PINX1: variants seen among roughly 807,000 people sequenced by gnomAD.
The protein encoded by PINX1 is PIN2/TERF1-interacting telomerase inhibitor 1.
A neutral mutation model predicts 25.4 loss-of-function variants in PINX1; 34 were observed. That is an observed-to-expected ratio of 1.34 (90% CI 1.02 to 1.78). The LOEUF (loss-of-function observed/expected upper bound fraction) is 1.78, where lower values mean the gene tolerates loss of function less well. Ranked by LOEUF, PINX1 falls within the 40% of genes most tolerant of loss-of-function variation. PINX1 has a pLI of 0.00. For missense variants in PINX1, 592 were observed against 404.9 expected (o/e 1.46, Z -3.97); for synonymous variants, 197 against 147.7 (o/e 1.33, Z -2.42).
At chr8:10,791,691 A>G (rs1208558634) in intron 6 of PINX1, among the ~76,000 whole-genome samples, 2 of 152,048 alleles carry the variant, frequency 1.3e-5, no homozygotes, top group African/African-American at 2.4e-5. Flanking sequence ...GCGGCTGCTG[A>G]TGTGCTTGGG....
intron 6 of PINX1, among the ~76,000 whole-genome samples, chr8:10,771,909 G>C (rs1801235874): frequency 6.6e-6 from 1 of 152,200 alleles, no homozygotes; most frequent in South Asian, 2.1e-4. Flanking sequence ...CTGTCAGCCA[G>C]TTCCTTCCTG....
intron 6 of PINX1, among the ~76,000 whole-genome samples, chr8:10,803,915 A>C (rs992296300): frequency 3.3e-4 from 50 of 152,384 alleles, no homozygotes; most frequent in Non-Finnish European, 5.1e-4. Context: ...TCAATTAAGA[A>C]GCAAGGAAAT....
At chr8:10,803,600 A>G (rs373434051) in intron 6 of PINX1, among the ~76,000 whole-genome samples, 2 of 152,252 alleles carry the variant, frequency 1.3e-5, no homozygotes, top group African/African-American at 4.8e-5. Context: ...TTGCATCTCT[A>G]TAACTTATAT....
intron 1 of PINX1, 160 bp downstream of exon 1, chr8:10,839,578 G>A (rs1798507386): frequency 5.8e-6 from 4 of 695,342 alleles, no homozygotes; most frequent in African/African-American, 3.6e-5. Context: ...GAGCTCTGCG[G>A]CGAGCAGGAC....
At chr8:10,773,305 A>G (rs10091836) in intron 6 of PINX1, among the ~76,000 whole-genome samples, 69,060 of 152,084 alleles carry the variant, frequency 0.45, 15,926 homozygotes, top group Middle Eastern at 0.49. Context: ...TCTCCTGCCA[A>G]CGACAGAATG....
intron 6 of PINX1, among the ~76,000 whole-genome samples, chr8:10,801,226 G>C (rs1802254903): frequency 6.6e-6 from 1 of 152,176 alleles, no homozygotes; most frequent in African/African-American, 2.4e-5. Context: ...TAGAGGAAAG[G>C]GATGGATTTC....
intron 6 of PINX1, among the ~76,000 whole-genome samples, chr8:10,772,410 C>T (rs1801255091): frequency 6.6e-6 from 1 of 152,222 alleles, no homozygotes; most frequent in South Asian, 2.1e-4. Flanking sequence ...GGCGGCCCTG[C>T]TCTTCTCTCT....
intron 6 of PINX1, among the ~76,000 whole-genome samples, chr8:10,766,701 G>A (rs2129070007): frequency 6.6e-6 from 1 of 152,352 alleles, no homozygotes; most frequent in East Asian, 1.9e-4. Flanking sequence ...ACACATAACA[G>A]CTGGGATTAG....
intron 1 of PINX1, among the ~76,000 whole-genome samples, chr8:10,835,863 C>T (rs1798389739): frequency 6.6e-6 from 1 of 152,064 alleles, no homozygotes; most frequent in South Asian, 2.1e-4. Flanking sequence ...ATCAAAGCAA[C>T]TTTTTTTAAT....
intron 6 of PINX1, among the ~76,000 whole-genome samples, chr8:10,790,887 C>T (rs1268849110): frequency 6.6e-6 from 1 of 152,038 alleles, no homozygotes; most frequent in Non-Finnish European, 1.5e-5. Flanking sequence ...CTAATGGGGG[C>T]TCTCAGGGAA....
chr8:10,816,977 G>C (rs1181400640), intron 6 of PINX1, among the ~76,000 whole-genome samples: 1 of 152,202 alleles, frequency 6.6e-6, no homozygotes, highest in African/African-American at 2.4e-5. Flanking sequence ...CCAGCACAGG[G>C]TTTGGCACAC....
intron 6 of PINX1, among the ~76,000 whole-genome samples, chr8:10,791,189 G>A (rs2129076571): frequency 6.6e-6 from 1 of 152,296 alleles, no homozygotes; most frequent in Non-Finnish European, 1.5e-5. Context: ...TGGGATGACA[G>A]GCATGAGCCA....
At chr8:10,807,916 G>T (rs1007555596) in intron 6 of PINX1, among the ~76,000 whole-genome samples, 1 of 152,200 alleles carries the variant, frequency 6.6e-6, no homozygotes, top group Admixed American at 6.5e-5. Flanking sequence ...TAAGAGAGAG[G>T]TCTCCTGGGA....
chr8:10,833,614 A>G (rs62492352), intron 2 of PINX1: 5,060 of 32,412 alleles, frequency 0.16, 265 homozygotes, highest in African/African-American at 0.28. Context: ...GAAGAATGAC[A>G]ACTGGGGTGC....
At chr8:10,783,199 A>T (rs1429239174) in intron 6 of PINX1, among the ~76,000 whole-genome samples, 2 of 152,266 alleles carry the variant, frequency 1.3e-5, no homozygotes, top group African/African-American at 4.8e-5. Context: ...TATTAATAGT[A>T]TGCAATTACT....
At position 10,834,498 on chromosome 8, in the gene PINX1, T is replaced by G. The variant is rs1798333626; in HGVS notation, c.129+168A>C. On this transcript the variant is annotated intron_variant, in intron 2 of 6. Coordinates refer to ENST00000314787, the MANE Select transcript of PINX1 (RefSeq NM_017884.6). ...AAATGATAGAAAGTTGACACTTATG[T>G]CCAATCCTAATTTATCATCATAAGG... 1.0e-5 allele frequency: 10 copies of G among 985,234 alleles called. No homozygotes were observed. The South Asian group carries it at 1.6e-4, about 16-fold the overall frequency. The allele number at this position is 985,234 out of a possible 1,614,324, so 61.0% of individuals were successfully genotyped here.
chr8:10,784,939 A>G (rs888775861), intron 6 of PINX1, among the ~76,000 whole-genome samples: 3 of 152,230 alleles, frequency 2.0e-5, no homozygotes, highest in African/African-American at 7.2e-5. Context: ...AAGACATGCA[A>G]ACTCTGAGTG....
chr8:10,826,266 T>A (rs2271356), intron 4 of PINX1, 22 bp from the exon 5 acceptor site: 303,585 of 1,306,474 alleles, frequency 0.23, 35,743 homozygotes, highest in Middle Eastern at 0.28. Flanking sequence ...ATGAAAAAAA[T>A]ACATTAAAGT....
At chr8:10,834,517 C>CA in intron 2 of PINX1, 149 bp downstream of exon 2, 1 of 1,161,870 alleles carries the variant, frequency 8.6e-7, no homozygotes, top group East Asian at 2.6e-5. Flanking sequence ...AATTTATCAT[C>CA]ATAAGGTCAC....
Sources: gnomAD v4.1 joint callset for allele counts (sites outside exome capture counted in the v4.1 genomes callset) on GRCh38, gnomAD v4.1.1 for gene constraint, MANE v1.5 for transcripts, NCBI Gene and HGNC (gene_info 2026-07-23, HGNC 2026-07-21) for gene names.